LRRC4C: variants seen among roughly 807,000 people sequenced by gnomAD.
The protein encoded by LRRC4C is leucine-rich repeat-containing protein 4C.
In LRRC4C, 5 loss-of-function variants were observed where a neutral mutation model predicts 33.6. That is an observed-to-expected ratio of 0.15 (90% CI 0.08 to 0.31). The LOEUF is 0.31. LRRC4C is among the 10% of genes least tolerant of loss of function. The probability of loss-of-function intolerance (pLI) is 1.00; values close to 1 mark genes in which losing one functional copy is unlikely to be tolerated. For missense variants in LRRC4C, 560 were observed against 796.7 expected (o/e 0.70, Z 3.58); for synonymous variants, 329 against 302.0 (o/e 1.09, Z -0.93).
intron 2 of LRRC4C, among the ~76,000 whole-genome samples, chr11:40,756,892 C>A (rs10768629): frequency 0.67 from 100,864 of 151,248 alleles, 34,234 homozygotes; most frequent in African/African-American, 0.73. Flanking sequence ...TTCTGTCAGA[C>A]TTTTTTTTTT....
intron 1 of LRRC4C, among the ~76,000 whole-genome samples, chr11:40,982,731 G>C (rs1852632259): frequency 6.6e-6 from 1 of 152,046 alleles, no homozygotes; most frequent in African/African-American, 2.4e-5. Flanking sequence ...AGGTAAACTT[G>C]TGTCATGGGT....
chr11:40,806,851 G>T (rs1196558619), intron 2 of LRRC4C, among the ~76,000 whole-genome samples: 18 of 152,062 alleles, frequency 1.2e-4, no homozygotes, highest in Non-Finnish European at 2.9e-5. Flanking sequence ...CCTGATGTCT[G>T]CTAGGAGACA....
intron 1 of LRRC4C, among the ~76,000 whole-genome samples, chr11:41,318,892 C>T (rs912861266): frequency 2.0e-5 from 3 of 152,178 alleles, no homozygotes; most frequent in Non-Finnish European, 4.4e-5. Context: ...TCAGAATCTG[C>T]CACTAATTTT....
At chr11:41,240,196 A>G (rs1565508969) in intron 1 of LRRC4C, among the ~76,000 whole-genome samples, 1 of 152,218 alleles carries the variant, frequency 6.6e-6, no homozygotes, top group Non-Finnish European at 1.5e-5. Context: ...GTGTATCATG[A>G]GATTTCCAGG....
intron 1 of LRRC4C, among the ~76,000 whole-genome samples, chr11:41,280,013 A>G (rs1202195731): frequency 6.6e-6 from 1 of 152,108 alleles, no homozygotes; most frequent in Non-Finnish European, 1.5e-5. Flanking sequence ...GTAATTCCTG[A>G]TACCTAAATA....
chr11:40,344,754 C>G (rs1481181565), intron 3 of LRRC4C, among the ~76,000 whole-genome samples: 3 of 152,074 alleles, frequency 2.0e-5, no homozygotes, highest in Admixed American at 2.0e-4. Flanking sequence ...CTTACAAATC[C>G]CCATAGTCTG....
intron 1 of LRRC4C, among the ~76,000 whole-genome samples, chr11:41,281,078 C>CTCTCTCTCTCTCTCTCTCCT (rs1491428513): frequency 2.4e-5 from 2 of 83,120 alleles, no homozygotes; most frequent in East Asian, 3.8e-4. Context: ...CTCTCTCTGT[C>CTCTCTCTCTCTCTCTCTCCT]CTCTCTCTCT....
At chr11:41,258,434 G>T (rs184266730) in intron 1 of LRRC4C, among the ~76,000 whole-genome samples, 5 of 151,982 alleles carry the variant, frequency 3.3e-5, no homozygotes, top group African/African-American at 9.6e-5. Flanking sequence ...AACACAAACA[G>T]ATCTGATATA....
chr11:41,126,004 A>G (rs899261756), intron 1 of LRRC4C, among the ~76,000 whole-genome samples: 6 of 152,050 alleles, frequency 3.9e-5, no homozygotes, highest in African/African-American at 1.5e-4. Context: ...AATGCATTCA[A>G]TTGAAAGTAG....
chr11:40,484,085 G>A (rs999748217), intron 3 of LRRC4C, among the ~76,000 whole-genome samples: 1 of 152,040 alleles, frequency 6.6e-6, no homozygotes, highest in Non-Finnish European at 1.5e-5. Flanking sequence ...AAAGGCTGGA[G>A]AGAAAGGGCT....
intron 3 of LRRC4C, among the ~76,000 whole-genome samples, chr11:40,606,278 C>G (rs1960579527): frequency 1.3e-5 from 2 of 151,952 alleles, no homozygotes; most frequent in Non-Finnish European, 2.9e-5. Flanking sequence ...AGACAGATAC[C>G]AAAAGGAGCA....
intron 4 of LRRC4C, among the ~76,000 whole-genome samples, chr11:40,306,824 T>C (rs151154123): frequency 2.0e-5 from 3 of 152,306 alleles, no homozygotes; most frequent in Non-Finnish European, 4.4e-5. Context: ...CCTGAGCTTG[T>C]ACTGCCATTC....
intron 1 of LRRC4C, among the ~76,000 whole-genome samples, chr11:41,426,700 A>G (rs959554189): frequency 2.0e-5 from 3 of 152,154 alleles, no homozygotes; most frequent in African/African-American, 7.2e-5. Context: ...GTGGCTTAAA[A>G]CAGCAGTAAT....
At chr11:40,360,044 AT>A (rs1947875674) in intron 3 of LRRC4C, among the ~76,000 whole-genome samples, 1 of 152,192 alleles carries the variant, frequency 6.6e-6, no homozygotes, top group South Asian at 2.1e-4. Flanking sequence ...TAAAAACAAT[AT>A]TCAATCTTAA....
chr11:40,524,007 T>C (rs1408430948), intron 3 of LRRC4C, among the ~76,000 whole-genome samples: 2 of 152,178 alleles, frequency 1.3e-5, no homozygotes, highest in Non-Finnish European at 2.9e-5. Context: ...CTAACTTTAA[T>C]GGCAATAAAG....
chr11:41,255,601 C>T (rs115974711), intron 1 of LRRC4C, among the ~76,000 whole-genome samples: 171 of 151,886 alleles, frequency 1.1e-3, no homozygotes, highest in African/African-American at 3.5e-3. Context: ...ATTTGTTGTT[C>T]CAGGAAGAGG....
At chr11:40,734,193 G>A (rs994859196) in intron 2 of LRRC4C, among the ~76,000 whole-genome samples, 1 of 152,024 alleles carries the variant, frequency 6.6e-6, no homozygotes, top group Admixed American at 6.6e-5. Context: ...TACAATAAAA[G>A]ACACATAAGA....
chr11:40,952,849 AACACACAC>A lies in LRRC4C; in HGVS notation c.-495-19134_-495-19127del, dbSNP rs56684958. Among the ~76,000 whole-genome samples the A allele has an allele frequency of 3.8e-3, 425 of 112,768 alleles. 1 individual carries two copies. The highest frequency in any genetic ancestry group is 0.012 in the East Asian group (44 of 3,806). The allele number at this position is 112,768 out of a possible 152,430, so 74.0% of individuals were successfully genotyped here. A position where few individuals can be genotyped will look rare whatever the true frequency, so the allele number is the denominator to read the frequency against. Reference sequence around the variant, plus strand: ...TCACACACACCTCTGTCTATTTCCAAACACACACACACACACACACACACACACACACA... The same window carrying A: ...TCACACACACCTCTGTCTATTTCCAAACACACACACACACACACACACACA... On this transcript the variant is annotated intron_variant, in intron 1 of 6. Transcript: ENST00000528697.
intron 1 of LRRC4C, among the ~76,000 whole-genome samples, chr11:41,179,022 G>A (rs1455460653): frequency 2.6e-5 from 4 of 152,020 alleles, no homozygotes; most frequent in Non-Finnish European, 5.9e-5. Context: ...TTTTAATATG[G>A]TTTATAAGTA....
Sources: allele counts gnomAD v4.1 joint callset (sites outside exome capture counted in the v4.1 genomes callset), GRCh38; gene constraint gnomAD v4.1.1; transcripts MANE v1.5; gene names NCBI Gene and HGNC (gene_info 2026-07-23, HGNC 2026-07-21).